Variants in TRIM5 observed in about 807,000 individuals in gnomAD.
The protein encoded by TRIM5 is tripartite motif-containing protein 5.
Under a neutral mutation model 35.6 loss-of-function variants are expected in TRIM5, and 31 were observed. The ratio of observed to expected loss-of-function variants is 0.87; its 90% CI spans 0.65 to 1.18. The LOEUF is 1.18. Among genes scored for constraint, TRIM5 ranks in the 50% most tolerant of loss-of-function variants. TRIM5 has a pLI of 0.00. For synonymous variants in TRIM5, 243 were observed against 215.6 expected, an observed-to-expected ratio of 1.13 and a Z score of -1.11; for missense variants, 609 against 591.6, an observed-to-expected ratio of 1.03 and a Z score of -0.31.
chr11:5,629,180 G>T, the TRIM5 span, among the ~76,000 whole-genome samples: 1 of 152,176 alleles, frequency 6.6e-6, no homozygotes, highest in Non-Finnish European at 1.5e-5. Context: ...AGGAGACTGA[G>T]GCAGGAGAAT....
At chr11:5,605,562 C>T in the TRIM5 span, 38 of 1,611,318 alleles carry the variant, frequency 2.4e-5, no homozygotes, top group Non-Finnish European at 3.2e-5. Context: ...AATGGAGCTG[C>T]TGCAGGTAAG....
downstream of TRIM5, among the ~76,000 whole-genome samples, chr11:5,659,102 G>C (rs1850728862): frequency 6.6e-6 from 1 of 152,054 alleles, no homozygotes; most frequent in Non-Finnish European, 1.5e-5. Context: ...GTATACATAT[G>C]TAACAAACCT....
the TRIM5 span, chr11:5,643,242 T>C: frequency 1.2e-6 from 2 of 1,613,866 alleles, no homozygotes; most frequent in African/African-American, 1.3e-5. Flanking sequence ...TTTTCAGTGT[T>C]ATAATTATGG....
chr11:5,662,016 T>C (rs1016666275), downstream of TRIM5, among the ~76,000 whole-genome samples: 10 of 152,154 alleles, frequency 6.6e-5, no homozygotes, highest in African/African-American at 2.4e-4. Flanking sequence ...CTGTTCCCAG[T>C]GAGTGAAAGC....
downstream of TRIM5, among the ~76,000 whole-genome samples, chr11:5,660,661 G>C (rs952843520): frequency 1.3e-5 from 2 of 151,674 alleles, no homozygotes; most frequent in African/African-American, 4.8e-5. Context: ...TTTTTTTTCA[G>C]TGTGGTTGTA....
At chr11:5,660,834 A>G (rs1055133015), downstream of TRIM5, among the ~76,000 whole-genome samples, 17 of 151,800 alleles carry the variant, frequency 1.1e-4, no homozygotes, top group Admixed American at 1.1e-3. Context: ...TGAGGTCAGG[A>G]GATCGGGACC....
At chr11:5,604,177 CGTGTGTGTGTGT>C in the TRIM5 span, among the ~76,000 whole-genome samples, 1 of 131,372 alleles carries the variant, frequency 7.6e-6, no homozygotes, top group African/African-American at 2.6e-5. Flanking sequence ...TGTGTGTGTG[CGTGTGTGTGTGT>C]GTTTAGTAGA....
the TRIM5 span, chr11:5,643,539 G>C: frequency 6.2e-7 from 1 of 1,614,176 alleles, no homozygotes; most frequent in East Asian, 2.2e-5. Context: ...TCCCTGCCGT[G>C]TTGGGGTTTT....
At chr11:5,605,288 C>CCTT in the TRIM5 span, 1 of 1,611,266 alleles carries the variant, frequency 6.2e-7, no homozygotes. Flanking sequence ...ATAGAGGAGA[C>CCTT]CCTCAGTGTG....
intron 5 of TRIM5, chr11:5,666,371 T>G: frequency 3.4e-6 from 1 of 294,594 alleles, no homozygotes; most frequent in East Asian, 6.3e-5. Flanking sequence ...CTTAAACTCA[T>G]AGGACATAAA....
intron 4 of TRIM5, among the ~76,000 whole-genome samples, chr11:5,668,569 C>T (rs59839351): frequency 0.012 from 1,873 of 152,110 alleles, 36 homozygotes; most frequent in African/African-American, 0.043. Context: ...CCTGCCTCAA[C>T]CTCCCGAGTA....
the TRIM5 span, among the ~76,000 whole-genome samples, chr11:5,624,368 G>C: frequency 5.3e-5 from 8 of 152,138 alleles, no homozygotes; most frequent in Admixed American, 3.3e-4. Context: ...AAGTTCCCCA[G>C]GTCCTTTGTA....
the TRIM5 span, among the ~76,000 whole-genome samples, chr11:5,606,229 A>G: frequency 6.6e-6 from 1 of 152,198 alleles, no homozygotes; most frequent in Admixed American, 6.5e-5. Flanking sequence ...ATCATTTAAC[A>G]TACTGTAGCA....
At chr11:5,628,777 A>G in the TRIM5 span, among the ~76,000 whole-genome samples, 1 of 151,826 alleles carries the variant, frequency 6.6e-6, no homozygotes, top group East Asian at 1.9e-4. Context: ...GGAGCCCAGA[A>G]GTCCAAAACC....
the TRIM5 span, chr11:5,633,670 G>A: frequency 1.2e-6 from 1 of 827,734 alleles, no homozygotes; most frequent in Non-Finnish European, 1.8e-6. Flanking sequence ...CCATGTCATA[G>A]ATTCTAATCA....
the TRIM5 span, among the ~76,000 whole-genome samples, chr11:5,653,861 TTTG>T: frequency 6.6e-6 from 1 of 152,246 alleles, no homozygotes; most frequent in East Asian, 1.9e-4. Flanking sequence ...GTTTTTTGTT[TTTG>T]TTATCTGAGT....
chr11:5,641,397 T>C, the TRIM5 span: 4 of 1,307,580 alleles, frequency 3.1e-6, no homozygotes, highest in Non-Finnish European at 3.0e-6. Context: ...AATTCAGTGG[T>C]TGAAGTTCAG....
At chr11:5,607,744 G>T in the TRIM5 span, among the ~76,000 whole-genome samples, 2 of 152,190 alleles carry the variant, frequency 1.3e-5, no homozygotes, top group African/African-American at 2.4e-5. Context: ...GTGTGATTCA[G>T]TAGGATGGAA....
the TRIM5 span, chr11:5,632,403 A>C: frequency 2.5e-6 from 4 of 1,613,828 alleles, no homozygotes; most frequent in African/African-American, 5.3e-5. Flanking sequence ...TGTTGACAGA[A>C]CCCTTGAGTC....
Sources: gnomAD v4.1 joint callset for allele counts (sites outside exome capture counted in the v4.1 genomes callset) on GRCh38, gnomAD v4.1.1 for gene constraint, MANE v1.5 for transcripts, NCBI Gene and HGNC (gene_info 2026-07-23, HGNC 2026-07-21) for gene names.